The following LMBR1 variants were observed in gnomAD, a reference collection of about 807,000 sequenced individuals.
The protein encoded by LMBR1 is limb region 1 protein homolog.
Under a neutral mutation model 73.9 loss-of-function variants are expected in LMBR1, and 52 were observed. That is an observed-to-expected ratio of 0.70 (90% confidence interval 0.56 to 0.89). LMBR1 has a LOEUF of 0.89. LMBR1 is among the 40% of genes least tolerant of loss of function. The probability of loss-of-function intolerance (pLI) is 0.00; values close to 1 mark genes in which losing one functional copy is unlikely to be tolerated. For missense variants in LMBR1, 539 were observed against 579.8 expected (o/e 0.93, Z 0.72); for synonymous variants, 215 against 209.4 (o/e 1.03, Z -0.23).
chr7:156,699,090 T>C (rs921218125), intron 15 of LMBR1, among the ~76,000 whole-genome samples: 25 of 152,176 alleles, frequency 1.6e-4, no homozygotes, highest in Non-Finnish European at 2.4e-4. Flanking sequence ...CTCTCTGAAG[T>C]TGAAAGTTCC....
Position 156,762,187 on chromosome 7 carries a change from C to A in LMBR1, c.631G>T (p.Val211Phe), listed in dbSNP as rs761544977. ...GCLLLLLCTP[V>F]GLSRMFTVMG... ...ACTGTGAACATACGAGAAAGGCCAA[C>A]TGGTGTACACACTGCAGAAATAAGA... The change falls in exon 8 of 17, where the codon GTT (valine) becomes TTT (phenylalanine). Residue 211 changes from valine (V) to phenylalanine (F), a missense_variant. Val to Phe is a conservative substitution (Grantham distance 50, BLOSUM62 -1). Around this residue, in one of 3 missense-constraint regions of LMBR1, gnomAD observed 454 missense variants for 473.4 expected, o/e 0.96. Transcript: ENST00000353442. 1 of 1,609,412 alleles carries A rather than the reference C, an allele frequency of 6.2e-7. No homozygotes were observed. The highest frequency in any genetic ancestry group is 8.5e-7 in the Non-Finnish European group (1 of 1,176,196).
chr7:156,737,718 T>TTTTTTTTTTTTTTTTTTTTTTTTGAG (rs1432011804), intron 9 of LMBR1, among the ~76,000 whole-genome samples: 1 of 152,260 alleles, frequency 6.6e-6, no homozygotes, highest in Non-Finnish European at 1.5e-5. Flanking sequence ...ATCCCATTTT[T>TTTTTTTTTTTTTTTTTTTTTTTTGAG]ATGGAACCTG....
At chr7:156,783,839 G>T (rs1827597447) in intron 5 of LMBR1, among the ~76,000 whole-genome samples, 1 of 152,202 alleles carries the variant, frequency 6.6e-6, no homozygotes, top group African/African-American at 2.4e-5. Flanking sequence ...CTTCAATGGT[G>T]TAAGAGATCA....
rs113826082 is a variant in LMBR1 at position 156,670,163 on chromosome 7, C to T, written n.867-876G>A. 4.5e-3 allele frequency among the ~76,000 whole-genome samples: 680 copies of T among 152,310 alleles called. 3 individuals are homozygous for T. The highest frequency in any genetic ancestry group is 0.024 in the Middle Eastern group (7 of 294). On this transcript the variant is annotated intron_variant and non_coding_transcript_variant, in intron 4 of 4. Coordinates refer to the LMBR1 transcript ENST00000430825. This position sits in a 1 kb window ranked among gnomAD's most constrained non-coding sequence, Gnocchi z 4.3. Reference sequence around the variant, plus strand: ...CAAATATTAGAGCATTTAAGTCATACGTGGAATCACCAAAAGCACACAATT... The same window carrying T: ...CAAATATTAGAGCATTTAAGTCATATGTGGAATCACCAAAAGCACACAATT...
intron 5 of LMBR1, among the ~76,000 whole-genome samples, chr7:156,784,261 G>A (rs1365663449): frequency 1.3e-5 from 2 of 152,046 alleles, no homozygotes; most frequent in African/African-American, 2.4e-5. Context: ...ATGTTTGTTC[G>A]TCTTTGAATT....
chr7:156,690,989 C>A (rs1807054555), intron 15 of LMBR1, among the ~76,000 whole-genome samples: 2 of 152,078 alleles, frequency 1.3e-5, no homozygotes, highest in Non-Finnish European at 2.9e-5. Context: ...AATACTCAGA[C>A]AAAGCTTTAA....
chr7:156,852,475 T>A (rs1796366763), intron 1 of LMBR1, among the ~76,000 whole-genome samples: 1 of 152,204 alleles, frequency 6.6e-6, no homozygotes, highest in African/African-American at 2.4e-5. Context: ...GATGCATGCA[T>A]TAGATTTAAA....
intron 1 of LMBR1, among the ~76,000 whole-genome samples, chr7:156,856,195 A>G (rs1399773069): frequency 6.6e-6 from 1 of 152,154 alleles, no homozygotes; most frequent in African/African-American, 2.4e-5. Context: ...ACTCTGTCTC[A>G]ATAAATAAAT....
At chr7:156,765,417 G>A (rs1823906186) in intron 5 of LMBR1, among the ~76,000 whole-genome samples, 1 of 152,188 alleles carries the variant, frequency 6.6e-6, no homozygotes, top group African/African-American at 2.4e-5. Flanking sequence ...CTTCTGCCAT[G>A]ATTGTAAGTT....
chr7:156,725,630 C>T, intron 13 of LMBR1, 105 bp from the exon 14 acceptor site: 1 of 1,202,344 alleles, frequency 8.3e-7, no homozygotes, highest in South Asian at 1.4e-5. Context: ...AAACAAAAAG[C>T]CGCTTTAAGT....
At chr7:156,747,714 A>G (rs932572326) in intron 9 of LMBR1, among the ~76,000 whole-genome samples, 1 of 152,206 alleles carries the variant, frequency 6.6e-6, no homozygotes, top group African/African-American at 2.4e-5. Context: ...TTTGATTAGA[A>G]AATATTATCC....
At chr7:156,825,092 A>G (rs1228680536) in intron 4 of LMBR1, among the ~76,000 whole-genome samples, 1 of 150,188 alleles carries the variant, frequency 6.7e-6, no homozygotes, top group Admixed American at 6.7e-5. Context: ...CTATAATACA[A>G]ATTTAATGGA....
At position 156,727,995 on chromosome 7, in the gene LMBR1, G is replaced by A. The variant is rs200717387; in HGVS notation, c.928C>T (p.Leu310Phe). 5.0e-6 allele frequency: 8 copies of A among 1,612,284 alleles called. No individual in the cohort carries two copies. In the African/African-American group the frequency reaches 5.3e-5, roughly 11 times the overall value. The change falls in exon 12 of 17, where the codon CTC becomes TTC. Residue 310 changes from leucine to phenylalanine, a missense_variant. Around this residue, in one of 3 missense-constraint regions of LMBR1, gnomAD observed 454 missense variants for 473.4 expected, o/e 0.96. Transcript: ENST00000353442. ...LLLIETSISV[L>F]LVACNILCLL... ...CAAAGAATATTACAAGCCACCAAGA[G>A]GACCGAGATGGACTACAAGACAAAC...
At chr7:156,792,907 G>A (rs1196268319) in intron 5 of LMBR1, among the ~76,000 whole-genome samples, 6 of 148,822 alleles carry the variant, frequency 4.0e-5, no homozygotes, top group South Asian at 2.2e-4. Flanking sequence ...CCAGGAGGGT[G>A]GCCACAGGAA....
chr7:156,688,905 G>A (rs1323000330), intron 15 of LMBR1, among the ~76,000 whole-genome samples: 1 of 151,902 alleles, frequency 6.6e-6, no homozygotes, highest in South Asian at 2.1e-4. Context: ...CACTTAATAT[G>A]TATAATATAA....
intron 1 of LMBR1, among the ~76,000 whole-genome samples, chr7:156,879,161 A>G (rs1800663157): frequency 6.6e-6 from 1 of 152,242 alleles, no homozygotes; most frequent in Non-Finnish European, 1.5e-5. Flanking sequence ...TAAGAATCCA[A>G]AAGCAAATGC....
At chr7:156,890,758 T>C (rs544181265) in intron 1 of LMBR1, among the ~76,000 whole-genome samples, 4 of 152,318 alleles carry the variant, frequency 2.6e-5, no homozygotes, top group African/African-American at 9.6e-5. Context: ...AAGTGTACAC[T>C]GGTACAACCA....
In LMBR1 at chr7:156,810,304, T is replaced by A. The variant is rs533916480; in HGVS notation, c.320-13812A>T. 2.6e-5 allele frequency among the ~76,000 whole-genome samples: 4 copies of A among 152,158 alleles called. No individual in the cohort carries two copies. In the South Asian group the frequency reaches 8.3e-4, roughly 32 times the overall value. On this transcript the variant is annotated intron_variant, in intron 4 of 16. Coordinates refer to ENST00000353442, the MANE Select transcript of LMBR1 (RefSeq NM_022458.4). ...AGAATAAAGAACTCACTCACCCACC[T>A]CCCGGGAGGGAATTCATCTATTCTT...
rs1829950904 is a variant in LMBR1 at position 156,795,668 on chromosome 7, T to G, written c.423+721A>C. ...TGCAGGCTCAAGCAATCCTCCCACCTTAGTCTCCAGAGGGGCTGGGACCAC... is the reference window on the plus strand; with the variant it reads ...TGCAGGCTCAAGCAATCCTCCCACCGTAGTCTCCAGAGGGGCTGGGACCAC... On this transcript the variant is annotated intron_variant, in intron 5 of 16. Coordinates refer to ENST00000353442, the MANE Select transcript of LMBR1 (RefSeq NM_022458.4). 3.9e-5 allele frequency among the ~76,000 whole-genome samples: 6 copies of G among 152,254 alleles called. No individual in the cohort carries two copies. In the South Asian group the frequency reaches 1.0e-3, roughly 26 times the overall value.
Sources: allele counts gnomAD v4.1 joint callset (sites outside exome capture counted in the v4.1 genomes callset), GRCh38; gene constraint gnomAD v4.1.1; regional missense constraint gnomAD v4.1.1; non-coding constraint Gnocchi (gnomAD v3.1); transcripts MANE v1.5; gene names NCBI Gene and HGNC (gene_info 2026-07-23, HGNC 2026-07-21).